The following KIF15 variants were observed in gnomAD, a reference collection of about 807,000 sequenced individuals.
The protein encoded by KIF15 is kinesin family member 15.
In KIF15, 140 loss-of-function variants were observed where a neutral mutation model predicts 190.6. That is an observed-to-expected ratio of 0.73 (90% CI 0.64 to 0.84). The LOEUF is 0.84. Ranked by LOEUF, KIF15 falls within the 40% of genes least tolerant of loss-of-function variation. KIF15 has a pLI of 0.00. For synonymous variants in KIF15, 528 were observed against 551.3 expected, an observed-to-expected ratio of 0.96 and a Z score of 0.59; for missense variants, 1,372 against 1,584.4, an observed-to-expected ratio of 0.87 and a Z score of 2.28.
At chr3:44,864,413 C>T (rs1246772662) in intron 6 of KIF15, 3 of 1,590,986 alleles carry the variant, frequency 1.9e-6, no homozygotes, top group Non-Finnish European at 2.6e-6. Context: ...TTGGATAACC[C>T]CTCCTTTCCC....
intron 16 of KIF15, 54 bp downstream of exon 16, chr3:44,806,040 A>C (rs1245837398): frequency 6.4e-7 from 1 of 1,570,678 alleles, no homozygotes; most frequent in African/African-American, 1.4e-5. Context: ...TCATTTTATT[A>C]ATAATGGAGA....
intron 1 of KIF15, among the ~76,000 whole-genome samples, chr3:44,772,425 A>T (rs1559521446): frequency 6.6e-6 from 1 of 152,214 alleles, no homozygotes; most frequent in Non-Finnish European, 1.5e-5. Context: ...AGGGCCCCTC[A>T]TGCATGCATT....
intron 26 of KIF15, among the ~76,000 whole-genome samples, chr3:44,837,754 A>G (rs1698397512): frequency 6.6e-6 from 1 of 152,204 alleles, no homozygotes; most frequent in Non-Finnish European, 1.5e-5. Context: ...TGCAACCTAT[A>G]GGACTTCTAA....
At chr3:44,859,268 C>G (rs1440050231) in intron 6 of KIF15, among the ~76,000 whole-genome samples, 2 of 152,208 alleles carry the variant, frequency 1.3e-5, no homozygotes, top group African/African-American at 2.4e-5. Context: ...AATTGCAACT[C>G]AGAAAAACAT....
At chr3:44,862,027 C>T in intron 6 of KIF15, 1 of 1,380,574 alleles carries the variant, frequency 7.2e-7, no homozygotes. Flanking sequence ...TGCGATGCGG[C>T]GCCGCTTTTG....
intron 6 of KIF15, 104 bp downstream of exon 6, chr3:44,785,046 T>C (rs907463872): frequency 6.4e-6 from 4 of 621,570 alleles, no homozygotes; most frequent in African/African-American, 5.7e-5. Flanking sequence ...GATGGTACTC[T>C]ACAATATGAA....
chr3:44,852,055 T>C (rs1030718552), intron 33 of KIF15, 103 bp downstream of exon 33: 2 of 1,445,200 alleles, frequency 1.4e-6, no homozygotes, highest in African/African-American at 2.9e-5. Context: ...TAGTTCAGAG[T>C]TGCTTTATTG....
chr3:44,851,917 G>A lies in KIF15; in HGVS notation c.3937G>A (p.Glu1313Lys). Residue 1313 changes from glutamate to lysine, a missense_variant, in exon 33 of 35, where the codon GAA becomes AAA. Glu to Lys is a moderately conservative substitution (Grantham distance 56). Transcript: ENST00000326047. ...QEKEQLRSKLEEMYEERERTS... is the reference protein window; with the variant it reads ...QEKEQLRSKLKEMYEERERTS... ...AAAAGAACAACTGAGATCAAAGCTGGAAGAAATGTATGAAGAAAGAGAGAG... is the reference window on the plus strand; with the variant it reads ...AAAAGAACAACTGAGATCAAAGCTGAAAGAAATGTATGAAGAAAGAGAGAG... 6.2e-7 allele frequency: 1 copy of A among 1,613,856 alleles called. No homozygotes were observed. The highest frequency in any genetic ancestry group is 8.5e-7 in the Non-Finnish European group (1 of 1,179,886).
chr3:44,800,259 G>C (rs1575609562), intron 10 of KIF15, 55 bp from the exon 11 acceptor site: 1 of 1,540,448 alleles, frequency 6.5e-7, no homozygotes, highest in East Asian at 2.2e-5. Flanking sequence ...GTAAACACAG[G>C]ACTATACTAC....
intron 30 of KIF15, among the ~76,000 whole-genome samples, chr3:44,845,550 G>A (rs1239331622): frequency 2.6e-5 from 4 of 152,116 alleles, no homozygotes; most frequent in African/African-American, 9.7e-5. Context: ...TCTGGCCCCT[G>A]TGGTGGCTGA....
At chr3:44,861,394 A>G (rs1559601349) in intron 6 of KIF15, among the ~76,000 whole-genome samples, 1 of 152,142 alleles carries the variant, frequency 6.6e-6, no homozygotes, top group Non-Finnish European at 1.5e-5. Flanking sequence ...GCAGATCCTC[A>G]TTTTTTCGGT....
chr3:44,805,286 C>A, intron 15 of KIF15, 118 bp downstream of exon 15: 1 of 924,652 alleles, frequency 1.1e-6, no homozygotes, highest in Non-Finnish European at 1.6e-6. Context: ...CTCATAGCAG[C>A]AACTACTTTG....
chr3:44,798,726 A>G (rs550502098), intron 10 of KIF15, among the ~76,000 whole-genome samples: 51 of 152,290 alleles, frequency 3.3e-4, no homozygotes, highest in Non-Finnish European at 5.1e-4. Flanking sequence ...CTTAAGGGAA[A>G]GCAAATTAAG....
At chr3:44,822,304 CTTTA>C (rs1697382720) in intron 20 of KIF15, among the ~76,000 whole-genome samples, 3 of 152,120 alleles carry the variant, frequency 2.0e-5, no homozygotes, top group Non-Finnish European at 2.9e-5. Flanking sequence ...GTTGAAAATT[CTTTA>C]TTTAAGAATG....
rs1231653453 is a variant in KIF15, at chr3:44,864,967, A to G, written c.*60-8362A>G. On this transcript the variant is annotated intron_variant and NMD_transcript_variant, in intron 6 of 6. Transcript: ENST00000422209. ...TTTCCTCCTGGCACCCTTAGAAGGA[A>G]GTCAGTCCCAGGAGAGTGAGGTTGT... 4.4e-6 allele frequency: 7 copies of G among 1,586,080 alleles called. No individual in the cohort carries two copies. The East Asian group carries it at 1.6e-4, about 36-fold the overall frequency.
At chr3:44,818,872 C>T (rs558969020) in intron 20 of KIF15, among the ~76,000 whole-genome samples, 101 of 152,238 alleles carry the variant, frequency 6.6e-4, no homozygotes, top group East Asian at 1.2e-3. Context: ...CCGTCTGGTC[C>T]TAGACTTTTT....
At position 44,852,238 on chromosome 3, in the gene KIF15, T is replaced by C; in HGVS notation, c.4003T>C (p.Cys1335Arg). 1 of 1,613,268 alleles carries C rather than the reference T, an allele frequency of 6.2e-7. No individual in the cohort carries two copies. Residue 1335 changes from cysteine (C) to arginine (R), a missense_variant, in exon 34 of 35, where the codon TGT becomes CGT. Cys to Arg is a radical substitution (Grantham distance 180). Transcript: ENST00000326047. ...GGAAATGTTAAGGAAGCAGGTGGAG[T>C]GTCTTGCTGAGGAAAATGGAAAGTT... ...EMEMLRKQVE[C>R]LAEENGKLVG...
chr3:44,799,682 TC>T (rs201263352), intron 10 of KIF15, among the ~76,000 whole-genome samples: 2,739 of 150,512 alleles, frequency 0.018, 35 homozygotes, highest in Non-Finnish European at 0.027. Context: ...TGTTTGTGAG[TC>T]CTTTAGCCTT....
chr3:44,788,511 G>A (rs1187639577), intron 7 of KIF15, among the ~76,000 whole-genome samples: 2 of 151,080 alleles, frequency 1.3e-5, no homozygotes, highest in Non-Finnish European at 2.9e-5. Flanking sequence ...CAGAGTACAA[G>A]TGGCAGAATC....
Sources: gnomAD v4.1 joint callset for allele counts (sites outside exome capture counted in the v4.1 genomes callset) on GRCh38, gnomAD v4.1.1 for gene constraint, MANE v1.5 for transcripts, NCBI Gene and HGNC (gene_info 2026-07-23, HGNC 2026-07-21) for gene names.